PHACTR1: variants seen among roughly 807,000 people sequenced by gnomAD.
PHACTR1 encodes the protein phosphatase and actin regulator 1, also known as RPEL repeat containing 1.
Under a neutral mutation model 69.2 loss-of-function variants are expected in PHACTR1, and 16 were observed. The ratio of observed to expected loss-of-function variants is 0.23; its 90% CI spans 0.16 to 0.35. The LOEUF is 0.35. Among genes scored for constraint, PHACTR1 ranks in the 10% least tolerant of loss-of-function variants. The pLI is 1.00. For synonymous variants in PHACTR1, 312 were observed against 284.5 expected, an observed-to-expected ratio of 1.10 and a Z score of -0.97; for missense variants, 510 against 734.7, an observed-to-expected ratio of 0.69 and a Z score of 3.54.
At chr6:13,077,059 T>C (rs897542747) in intron 5 of PHACTR1, among the ~76,000 whole-genome samples, 9 of 147,338 alleles carry the variant, frequency 6.1e-5, no homozygotes, top group African/African-American at 2.3e-4. Context: ...ACCTGCACAA[T>C]GTGCACATGT....
intron 3 of PHACTR1, among the ~76,000 whole-genome samples, chr6:12,732,520 CCT>C (rs1763675929): frequency 1.3e-5 from 2 of 152,050 alleles, no homozygotes; most frequent in Non-Finnish European, 2.9e-5. Context: ...TGTTCCCCTC[CCT>C]GTGTCCACGT....
At chr6:12,733,348 T>A (rs1462938157) in intron 3 of PHACTR1, among the ~76,000 whole-genome samples, 1 of 152,228 alleles carries the variant, frequency 6.6e-6, no homozygotes, top group Non-Finnish European at 1.5e-5. Context: ...AAACTATGCA[T>A]ATTTGTTTCA....
chr6:13,182,733 A>G (rs1370508620), intron 7 of PHACTR1, 47 bp downstream of exon 7: 1 of 1,470,066 alleles, frequency 6.8e-7, no homozygotes, highest in Non-Finnish European at 9.0e-7. Flanking sequence ...CACCAAGTCC[A>G]GCCAGGCACC....
chr6:12,784,411 TATACAC>T (rs1348071766), intron 4 of PHACTR1, among the ~76,000 whole-genome samples: 1 of 151,852 alleles, frequency 6.6e-6, no homozygotes, highest in Admixed American at 6.6e-5. Context: ...CACACATATC[TATACAC>T]ATACACATAT....
intron 7 of PHACTR1, among the ~76,000 whole-genome samples, chr6:13,184,104 G>C (rs539871467): frequency 6.6e-6 from 1 of 152,348 alleles, no homozygotes; most frequent in South Asian, 2.1e-4. Flanking sequence ...TACAGGAGCT[G>C]GTGGGGGCAG....
intron 14 of PHACTR1, 25 bp downstream of exon 14, chr6:13,286,247 C>A: frequency 6.7e-7 from 1 of 1,482,436 alleles, no homozygotes; most frequent in Non-Finnish European, 9.1e-7. Context: ...TTTTTTTTTT[C>A]CTTTTTTTCC....
intron 3 of PHACTR1, among the ~76,000 whole-genome samples, chr6:12,736,432 T>C (rs1313770241): frequency 1.3e-5 from 2 of 152,186 alleles, no homozygotes; most frequent in Non-Finnish European, 2.9e-5. Flanking sequence ...TCTGCCTGAC[T>C]ATAATATACC....
At chr6:12,839,887 G>A (rs920304835) in intron 4 of PHACTR1, among the ~76,000 whole-genome samples, 2 of 152,038 alleles carry the variant, frequency 1.3e-5, no homozygotes, top group Non-Finnish European at 2.9e-5. Context: ...GAGCGAACAC[G>A]GCCATAAAGC....
chr6:13,017,762 A>T (rs969844400), intron 4 of PHACTR1, among the ~76,000 whole-genome samples: 10 of 152,050 alleles, frequency 6.6e-5, no homozygotes, highest in African/African-American at 1.4e-4. Context: ...ATAATTATGT[A>T]TTAAGATGTA....
At chr6:13,053,230 C>G in intron 4 of PHACTR1, 135 bp from the exon 5 acceptor site, 4 of 1,012,982 alleles carry the variant, frequency 3.9e-6, no homozygotes, top group Non-Finnish European at 5.6e-6. Context: ...GACTTCCATT[C>G]CAAAAGGCAA....
chr6:12,890,291 C>T (rs1381007841), intron 4 of PHACTR1, among the ~76,000 whole-genome samples: 1 of 152,046 alleles, frequency 6.6e-6, no homozygotes, highest in Non-Finnish European at 1.5e-5. Context: ...AAACTGGTAC[C>T]CTGGTGCCAA....
chr6:12,980,410 C>T (rs908521552), intron 4 of PHACTR1, among the ~76,000 whole-genome samples: 4 of 152,102 alleles, frequency 2.6e-5, no homozygotes, highest in Non-Finnish European at 4.4e-5. Context: ...AGACTCAGGG[C>T]ACCAGGATCT....
At chr6:12,731,255 C>T (rs1022016915) in intron 3 of PHACTR1, among the ~76,000 whole-genome samples, 1 of 152,084 alleles carries the variant, frequency 6.6e-6, no homozygotes, top group African/African-American at 2.4e-5. Context: ...ACCTCGTGAT[C>T]CACCCGCCTT....
At chr6:12,777,118 G>A (rs1470701476) in intron 4 of PHACTR1, among the ~76,000 whole-genome samples, 7 of 152,112 alleles carry the variant, frequency 4.6e-5, no homozygotes, top group South Asian at 2.1e-4. Context: ...ATGAAGAATT[G>A]GGTAATACGC....
At chr6:13,037,799 G>C (rs2127705553) in intron 4 of PHACTR1, among the ~76,000 whole-genome samples, 1 of 152,316 alleles carries the variant, frequency 6.6e-6, no homozygotes, top group South Asian at 2.1e-4. Context: ...ACAAAAGTCA[G>C]AACACAGAAA....
At chr6:12,915,017 T>C (rs1244107808) in intron 4 of PHACTR1, among the ~76,000 whole-genome samples, 1 of 152,014 alleles carries the variant, frequency 6.6e-6, no homozygotes, top group African/African-American at 2.4e-5. Context: ...CACAAGGGAG[T>C]TGGAGCTCAA....
At chr6:12,897,483 C>A (rs1784774754) in intron 4 of PHACTR1, among the ~76,000 whole-genome samples, 1 of 152,054 alleles carries the variant, frequency 6.6e-6, no homozygotes, top group South Asian at 2.1e-4. Context: ...ATAAAGCCTC[C>A]ACCAATCCTG....
At chr6:12,779,770 T>C (rs1490390401) in intron 4 of PHACTR1, among the ~76,000 whole-genome samples, 1 of 152,288 alleles carries the variant, frequency 6.6e-6, no homozygotes, top group Admixed American at 6.5e-5. Context: ...TATGGCAGGG[T>C]TGCCCAGCAG....
chr6:12,929,437 G>A (rs1363907301), intron 4 of PHACTR1, among the ~76,000 whole-genome samples: 1 of 152,216 alleles, frequency 6.6e-6, no homozygotes, highest in Non-Finnish European at 1.5e-5. Context: ...GAAATTTGAT[G>A]TGGATTTATT....
Sources: gnomAD v4.1 joint callset for allele counts (sites outside exome capture counted in the v4.1 genomes callset) on GRCh38, gnomAD v4.1.1 for gene constraint, MANE v1.5 for transcripts, NCBI Gene and HGNC (gene_info 2026-07-23, HGNC 2026-07-21) for gene names.